PFKFB2: variants seen among roughly 807,000 people sequenced by gnomAD.
PFKFB2 encodes 6-phosphofructo-2-kinase/fructose-2,6-bisphosphatase 2.
PFKFB2 carries 53 observed loss-of-function variants against 68.0 expected under a neutral mutation model. That is an observed-to-expected ratio of 0.78 (90% CI 0.63 to 0.98). The LOEUF (loss-of-function observed/expected upper bound fraction) is 0.98. PFKFB2 is among the 50% of genes least tolerant of loss of function. The probability of loss-of-function intolerance (pLI) is 0.00; values close to 1 mark genes in which losing one functional copy is unlikely to be tolerated. For synonymous variants in PFKFB2, 222 were observed against 227.6 expected, an observed-to-expected ratio of 0.98 and a Z score of 0.22; for missense variants, 451 against 642.0, an observed-to-expected ratio of 0.70 and a Z score of 3.22.
intron 1 of PFKFB2, among the ~76,000 whole-genome samples, chr1:207,053,906 T>G (rs2102334750): frequency 2.8e-5 from 1 of 35,336 alleles, no homozygotes; most frequent in African/African-American, 9.7e-5. Context: ...CATTTTTCAT[T>G]TTTTTTTTTT....
intron 10 of PFKFB2, 116 bp from the exon 11 acceptor site, chr1:207,069,308 C>T: frequency 2.8e-6 from 2 of 704,522 alleles, no homozygotes; most frequent in Non-Finnish European, 5.0e-6. Context: ...GGACCCAGCA[C>T]AGTGCCTGGC....
Position 207,076,253 on chromosome 1 carries a change from T to A in PFKFB2, c.*3882T>A. On this transcript the variant is annotated 3_prime_UTR_variant, in exon 15 of 15. Coordinates refer to ENST00000367080, the MANE Select transcript of PFKFB2 (RefSeq NM_006212.2). ...ATTCATCTATGTTACTTTTTTTTTCTTTTTTTTTTTTTTTTATGAGCAGGA... is the reference window on the plus strand; with the variant it reads ...ATTCATCTATGTTACTTTTTTTTTCATTTTTTTTTTTTTTTATGAGCAGGA... The A allele has an allele frequency of 5.4e-6, 1 of 185,208 alleles. No homozygotes were observed. The highest frequency in any genetic ancestry group is 9.3e-6 in the Non-Finnish European group (1 of 107,656). The allele number at this position is 185,208 out of a possible 1,614,324, so 11.5% of individuals were successfully genotyped here. A position where few individuals can be genotyped will look rare whatever the true frequency, so the allele number is the denominator to read the frequency against.
At chr1:207,034,708 A>G (rs1395764566) in intron 1 of PFKFB2, among the ~76,000 whole-genome samples, 1 of 152,140 alleles carries the variant, frequency 6.6e-6, no homozygotes, top group East Asian at 1.9e-4. Flanking sequence ...AAATTATGAA[A>G]TATTTCAGAT....
chr1:207,055,735 T>C (rs1682900731), intron 2 of PFKFB2, among the ~76,000 whole-genome samples: 1 of 152,076 alleles, frequency 6.6e-6, no homozygotes, highest in African/African-American at 2.4e-5. Context: ...AGGAATTATC[T>C]CATGTTCAAA....
At chr1:207,077,898 G>A (rs1015604263), downstream of PFKFB2, 2 of 614,586 alleles carry the variant, frequency 3.3e-6, no homozygotes, top group South Asian at 7.2e-5. Context: ...TTTGCCTCAT[G>A]CTGCACAAGG....
At chr1:207,051,070 C>T (rs770733438), upstream of PFKFB2, 3 of 1,465,820 alleles carry the variant, frequency 2.0e-6, no homozygotes, top group Non-Finnish European at 2.7e-6. Context: ...CGCGACGCTT[C>T]GGTGCGGCTT....
chr1:207,051,022 G>A (rs1458691081), upstream of PFKFB2: 2 of 1,505,970 alleles, frequency 1.3e-6, no homozygotes, highest in Non-Finnish European at 8.9e-7. Context: ...CTTTAGCGGG[G>A]CCAAACATCG....
In PFKFB2 at chr1:207,063,226, GCTT is replaced by G; in HGVS notation, c.375+24_375+26del. Reference sequence around the variant, plus strand: ...CAGATTGCGGTAAGCTTTATCTGCTGCTTCTTCTTTCTGGTCCCCACCCTTGCA... The same window carrying G: ...CAGATTGCGGTAAGCTTTATCTGCTGCTTCTTTCTGGTCCCCACCCTTGCA... On this transcript the variant is annotated intron_variant, in intron 5 of 14. Transcript: ENST00000367080. This position sits in a 1 kb window ranked among gnomAD's most constrained non-coding sequence, Gnocchi z 4.1. 2 of 1,611,334 alleles carry G rather than the reference GCTT, an allele frequency of 1.2e-6. No individual in the cohort carries two copies. Among genetic ancestry groups the G allele is most frequent in the South Asian group, 1.1e-5 (1 of 91,014 alleles).
upstream of PFKFB2, chr1:207,049,248 A>T (rs1347325654): frequency 6.2e-7 from 1 of 1,614,072 alleles, no homozygotes; most frequent in Admixed American, 1.7e-5. Flanking sequence ...CAGGGAAGTT[A>T]CGCTGAAGTG....
At chr1:207,065,241 A>G in intron 8 of PFKFB2, 81 bp downstream of exon 8, 1 of 1,570,446 alleles carries the variant, frequency 6.4e-7, no homozygotes, top group Admixed American at 1.8e-5. Flanking sequence ...GAGTTCTCTA[A>G]CTTCCTTCTG....
upstream of PFKFB2, chr1:207,048,978 G>A: frequency 6.4e-7 from 1 of 1,554,034 alleles, no homozygotes; most frequent in Non-Finnish European, 8.8e-7. Flanking sequence ...GAGCCTTCTG[G>A]ATGTGTGAGG....
upstream of PFKFB2, chr1:207,050,850 G>C: frequency 6.2e-7 from 1 of 1,612,786 alleles, no homozygotes; most frequent in South Asian, 1.1e-5. Context: ...GACAGCCCCT[G>C]CAAAACATGG....
chr1:207,043,074 T>C (rs1452493583), intron 2 of PFKFB2, among the ~76,000 whole-genome samples: 1 of 152,100 alleles, frequency 6.6e-6, no homozygotes, highest in African/African-American at 2.4e-5. Flanking sequence ...CTTACTAAAA[T>C]TGATTGTTGG....
chr1:207,054,024 C>T (rs183195359), intron 1 of PFKFB2, among the ~76,000 whole-genome samples: 4 of 151,166 alleles, frequency 2.6e-5, no homozygotes, highest in Non-Finnish European at 5.9e-5. Flanking sequence ...CTGCCTCAGC[C>T]TCCCGAGTAG....
Position 207,057,302 on chromosome 1 carries a change from CAAAAAAAAAAAAAA to C in PFKFB2, c.85+2513_85+2526del, listed in dbSNP as rs748726221. On this transcript the variant is annotated intron_variant, in intron 2 of 14. Transcript: ENST00000367080. ...CTCTACTAAAAATACAAAAAAACTA[CAAAAAAAAAAAAAA>C]AAAAAAAAAAAACTAGCCGGGCATG... Among the ~76,000 whole-genome samples the C allele has an allele frequency of 5.9e-4, 24 of 40,402 alleles. No individual in the cohort carries two copies. In the East Asian group the frequency reaches 0.016, roughly 26 times the overall value. The allele number at this position is 40,402 out of a possible 152,430, so 26.5% of individuals were successfully genotyped here.
intron 8 of PFKFB2, 103 bp downstream of exon 8, chr1:207,065,263 C>A (rs1683250412): frequency 6.5e-7 from 1 of 1,544,052 alleles, no homozygotes; most frequent in African/African-American, 1.4e-5. Flanking sequence ...TAATCTAGAT[C>A]TACAGTGTTA....
At chr1:207,042,580 A>AAAAAAAAAAAAAAAAAAAAAAAC (rs1682502151) in intron 2 of PFKFB2, among the ~76,000 whole-genome samples, 1 of 143,182 alleles carries the variant, frequency 7.0e-6, no homozygotes, top group African/African-American at 2.7e-5. Flanking sequence ...AAAAAAAAAA[A>AAAAAAAAAAAAAAAAAAAAAAAC]AGACTATTGC....
At chr1:207,062,802 A>G in intron 4 of PFKFB2, 86 bp downstream of exon 4, 2 of 1,286,242 alleles carry the variant, frequency 1.6e-6, no homozygotes, top group East Asian at 2.3e-5. Context: ...GTTTCATCTC[A>G]GTAAATATCT....
chr1:207,054,848 T>A, intron 2 of PFKFB2, 46 bp downstream of exon 2: 1 of 1,302,830 alleles, frequency 7.7e-7, no homozygotes, highest in Non-Finnish European at 1.1e-6. Flanking sequence ...CAGCATTTTA[T>A]CTTGGGAATA....
Sources: gnomAD v4.1 joint callset for allele counts (sites outside exome capture counted in the v4.1 genomes callset) on GRCh38, gnomAD v4.1.1 for gene constraint, Gnocchi (gnomAD v3.1) non-coding constraint, MANE v1.5 for transcripts, NCBI Gene and HGNC (gene_info 2026-07-23, HGNC 2026-07-21) for gene names.